TLR7: variants seen among roughly 807,000 people sequenced by gnomAD.
The protein encoded by TLR7 is toll-like receptor 7.
Under a neutral mutation model 38.3 loss-of-function variants are expected in TLR7, and 12 were observed. That is an observed-to-expected ratio of 0.31 (90% CI 0.20 to 0.51). The LOEUF is 0.51. Ranked by LOEUF, TLR7 falls within the 20% of genes least tolerant of loss-of-function variation. The pLI, the probability that TLR7 is intolerant of heterozygous loss-of-function variation, is 0.98. For synonymous variants in TLR7, 285 were observed against 293.8 expected (o/e 0.97, Z 0.31); for missense variants, 504 against 743.4 (o/e 0.68, Z 3.74).
chrX:12,872,385 TG>T (rs1403510054), intron 2 of TLR7, among the ~76,000 whole-genome samples: 1 of 111,316 alleles, frequency 9.0e-6, no homozygotes, highest in African/African-American at 3.3e-5. Flanking sequence ...GTCTGATGCC[TG>T]GGCTAGGAGA....
At chrX:12,868,910 C>T (rs2042842771) in intron 2 of TLR7, among the ~76,000 whole-genome samples, 1 of 111,886 alleles carries the variant, frequency 8.9e-6, no homozygotes, top group African/African-American at 3.3e-5. Flanking sequence ...CTGTCTTTGC[C>T]CCTTGATGGG....
Position 12,888,534 on chromosome X carries a change from G to C in TLR7, c.3026G>C (p.Gly1009Ala). 1 of 1,211,738 alleles carries C rather than the reference G, an allele frequency of 8.3e-7. No homozygotes were observed. Among genetic ancestry groups the C allele is most frequent in the Non-Finnish European group, 1.1e-6 (1 of 895,550 alleles). The change falls in exon 3 of 3, where the codon GGG becomes GCG. Residue 1009 changes from glycine to alanine, a missense_variant. Transcript: ENST00000380659. ...KFLQLRKRLC[G>A]SSVLEWPTNP... Reference sequence around the variant, plus strand: ...CTCCAGCTCCGGAAAAGGCTCTGTGGGAGTTCTGTCCTTGAGTGGCCAACA... The same window carrying C: ...CTCCAGCTCCGGAAAAGGCTCTGTGCGAGTTCTGTCCTTGAGTGGCCAACA...
At chrX:12,884,472 C>T (rs1001999350) in intron 2 of TLR7, among the ~76,000 whole-genome samples, 4 of 112,026 alleles carry the variant, frequency 3.6e-5, no homozygotes, top group Admixed American at 1.9e-4. Context: ...AGCCAGTCCA[C>T]GGTTAAAGCA....
chrX:12,888,052 T>A lies in TLR7; in HGVS notation c.2544T>A (p.Ser848=). Residue 848 remains serine (S), a synonymous_variant, in exon 3 of 3, where the codon TCT becomes TCA. Transcript: ENST00000380659. ...TNLILFSLSI[S]VSLFLMVMMT... ...TGATTCTGTTCTCACTTTCCATATC[T>A]GTATCTCTCTTTCTCATGGTGATGA... The A allele has an allele frequency of 8.3e-7, 1 of 1,211,770 alleles. No homozygotes were observed.
rs915421330 is a variant in TLR7 at position 12,869,036 on chromosome X, T to C, written c.3+1455T>C. Among the ~76,000 whole-genome samples, 4 of 110,933 alleles carry C rather than the reference T, an allele frequency of 3.6e-5. No individual in the cohort carries two copies. The Admixed American group carries it at 3.8e-4, about 11-fold the overall frequency. On this transcript the variant is annotated intron_variant, in intron 2 of 2. Transcript: ENST00000380659. ...TTGGCCTCAAAGTAGCCCTATAAGGTAGAGATAACGAAACTGGGGCTTTGA... is the reference window on the plus strand; with the variant it reads ...TTGGCCTCAAAGTAGCCCTATAAGGCAGAGATAACGAAACTGGGGCTTTGA...
chrX:12,870,546 C>G (rs1238555159), intron 2 of TLR7, among the ~76,000 whole-genome samples: 1 of 111,725 alleles, frequency 9.0e-6, no homozygotes, highest in Non-Finnish European at 1.9e-5. Flanking sequence ...TACCTCTGCA[C>G]CCCAAGAATA....
At chrX:12,872,420 G>A (rs2042856372) in intron 2 of TLR7, among the ~76,000 whole-genome samples, 1 of 111,031 alleles carries the variant, frequency 9.0e-6, no homozygotes, top group South Asian at 3.8e-4. Flanking sequence ...TGCCGAAGCA[G>A]CTGCAGCTCC....
In TLR7 at chrX:12,881,545, A is replaced by AC. The variant is rs202174792; in HGVS notation, c.4-3967_4-3966insC. 6.3e-3 allele frequency among the ~76,000 whole-genome samples: 658 copies of AC among 103,907 alleles called. 16 individuals are homozygous for AC. Among genetic ancestry groups the AC allele is most frequent in the African/African-American group, 0.024 (629 of 26,572 alleles). 90.2% of individuals were successfully genotyped at this position (103,907 alleles called of 115,157 possible). ...ATTTATTCTTTTTAATAAATAATAA[A>AC]TGAGTTATTTATTCTTTTTAATAAA... On this transcript the variant is annotated intron_variant, in intron 2 of 2. Transcript: ENST00000380659.
At chrX:12,868,810 A>C (rs2042842471) in intron 2 of TLR7, among the ~76,000 whole-genome samples, 2 of 111,682 alleles carry the variant, frequency 1.8e-5, no homozygotes, top group Admixed American at 1.9e-4. Context: ...AGCATTAACC[A>C]TGGGGCTATT....
At position 12,888,880 on chromosome X, in the gene TLR7, C is replaced by T; in HGVS notation, c.*222C>T. The T allele has an allele frequency of 3.1e-6, 1 of 326,938 alleles. No individual in the cohort carries two copies. Among genetic ancestry groups the T allele is most frequent in the Non-Finnish European group, 5.2e-6 (1 of 191,002 alleles). The allele number at this position is 326,938 out of a possible 1,213,427, so 26.9% of individuals were successfully genotyped here. On this transcript the variant is annotated 3_prime_UTR_variant, in exon 3 of 3. Coordinates refer to ENST00000380659, the MANE Select transcript of TLR7 (RefSeq NM_016562.4). ...TTATCTCTCTGTGTCTCTATTTGCA[C>T]TTGAGTCTCTCACCTCAGCTCCTGT...
rs2147239398 is a variant in TLR7, at chrX:12,867,096, ATAGGATC to A, written c.-125_-119del. The A allele has an allele frequency of 8.9e-6, 1 of 112,408 alleles. No individual in the cohort carries two copies. Among genetic ancestry groups the A allele is most frequent in the South Asian group, 3.7e-4 (1 of 2,685 alleles). The allele number at this position is 112,408 out of a possible 1,213,427, so 9.3% of individuals were successfully genotyped here. A position where few individuals can be genotyped will look rare whatever the true frequency, so the allele number is the denominator to read the frequency against. On this transcript the variant is annotated 5_prime_UTR_variant, in exon 1 of 3. Transcript: ENST00000380659. Reference sequence around the variant, plus strand: ...CACTTCATCTCAGAAGACTCCAGATATAGGATCACTCCATGCCATCAAGAAAGGTATT... The same window carrying A: ...CACTTCATCTCAGAAGACTCCAGATAACTCCATGCCATCAAGAAAGGTATT...
chrX:12,882,933 C>T (rs753722987), intron 2 of TLR7, among the ~76,000 whole-genome samples: 230 of 111,535 alleles, frequency 2.1e-3, no homozygotes, highest in Middle Eastern at 9.3e-3. Flanking sequence ...CCACCTTGGC[C>T]CCCTCTGAAG....
chrX:12,883,455 A>T (rs1231706259), intron 2 of TLR7, among the ~76,000 whole-genome samples: 14 of 111,896 alleles, frequency 1.3e-4, no homozygotes, highest in African/African-American at 3.9e-4. Context: ...ACAAGTAGAC[A>T]GGGTACAAAT....
At chrX:12,871,987 C>T (rs2042854728) in intron 2 of TLR7, among the ~76,000 whole-genome samples, 1 of 111,680 alleles carries the variant, frequency 9.0e-6, no homozygotes, top group African/African-American at 3.3e-5. Context: ...GCATGCCTAC[C>T]GATTCAATAC....
intron 2 of TLR7, among the ~76,000 whole-genome samples, chrX:12,878,542 G>T (rs1638597): frequency 0.16 from 18,282 of 111,770 alleles, 1,673 homozygotes; most frequent in African/African-American, 0.35. Flanking sequence ...GATGAAAATG[G>T]TCTCTATCTG....
At chrX:12,868,501 T>C (rs2074359427) in intron 2 of TLR7, among the ~76,000 whole-genome samples, 1 of 111,738 alleles carries the variant, frequency 8.9e-6, no homozygotes, top group African/African-American at 3.3e-5. Flanking sequence ...CAGTCACTAG[T>C]TGGGGGGGCC....
chrX:12,874,554 C>T lies in TLR7; in HGVS notation c.3+6973C>T, dbSNP rs1364987861. Among the ~76,000 whole-genome samples, 3 of 110,863 alleles carry T rather than the reference C, an allele frequency of 2.7e-5. No homozygotes were observed. In the Admixed American group the frequency reaches 2.9e-4, roughly 11 times the overall value. ...CAGATAAGTTTCAGGGGGCTCTACA[C>T]CAACCATTAGAGTCATAGAATAAGC... On this transcript the variant is annotated intron_variant, in intron 2 of 2. Coordinates refer to ENST00000380659, the MANE Select transcript of TLR7 (RefSeq NM_016562.4).
intron 2 of TLR7, among the ~76,000 whole-genome samples, chrX:12,880,324 T>C (rs2042886880): frequency 8.9e-6 from 1 of 112,045 alleles, no homozygotes; most frequent in Non-Finnish European, 1.9e-5. Flanking sequence ...CAGAGGGGCA[T>C]ATGGGTAATG....
At chrX:12,869,103 A>T (rs1346832945) in intron 2 of TLR7, among the ~76,000 whole-genome samples, 7 of 110,961 alleles carry the variant, frequency 6.3e-5, no homozygotes, top group African/African-American at 2.3e-4. Context: ...TGTGCTGAAG[A>T]CTCTTCTGTT....
Sources: allele counts gnomAD v4.1 joint callset (sites outside exome capture counted in the v4.1 genomes callset), GRCh38; gene constraint gnomAD v4.1.1; transcripts MANE v1.5; gene names NCBI Gene and HGNC (gene_info 2026-07-23, HGNC 2026-07-21).